The following METTL14 variants were observed in gnomAD, a reference collection of about 807,000 sequenced individuals.
METTL14 encodes the protein methyltransferase 14, N6-adenosine-methyltransferase non-catalytic subunit.
A neutral mutation model predicts 62.4 loss-of-function variants in METTL14; 32 were observed. The observed-to-expected ratio is 0.51, with a 90% confidence interval of 0.39 to 0.69. The LOEUF is 0.69. Among genes scored for constraint, METTL14 ranks in the 30% least tolerant of loss-of-function variants. The pLI, the probability that METTL14 is intolerant of heterozygous loss-of-function variation, is 0.00. For synonymous variants in METTL14, 150 were observed against 180.0 expected (o/e 0.83, Z 1.34); for missense variants, 340 against 551.9 (o/e 0.62, Z 3.85).
At position 118,697,213 on chromosome 4, in the gene METTL14, A is replaced by T; in HGVS notation, c.535A>T (p.Ile179Phe). The change falls in exon 7 of 11, where the codon ATC becomes TTC. Residue 179 changes from isoleucine (I) to phenylalanine (F), a missense_variant. This residue lies in a region of METTL14 where 41 missense variants were observed against 44.0 expected (regional missense o/e 0.93). Transcript: ENST00000388822. ...YLQADIEAFD[I>F]RELTPKFDVI... ...ACAAGCCGATATAGAAGCCTTTGAC[A>T]TCAGAGAACTAACACCCAAATTTGA... The T allele has an allele frequency of 6.2e-7, 1 of 1,611,470 alleles. No individual in the cohort carries two copies. Among genetic ancestry groups the T allele is most frequent in the Non-Finnish European group, 8.5e-7 (1 of 1,179,010 alleles).
In METTL14 at chr4:118,701,853, T is replaced by C. The variant is rs146547127; in HGVS notation, c.738+1211T>C. 2.0e-5 allele frequency among the ~76,000 whole-genome samples: 3 copies of C among 152,250 alleles called. No individual in the cohort carries two copies. In the East Asian group the frequency reaches 5.8e-4, roughly 29 times the overall value. ...AAATTCTGAAATTCTACAATTACTG[T>C]ATATTCTTTATATAAATAGTAAGGC... On this transcript the variant is annotated intron_variant, in intron 8 of 10. Coordinates refer to ENST00000388822, the MANE Select transcript of METTL14 (RefSeq NM_020961.4).
intron 10 of METTL14, among the ~76,000 whole-genome samples, chr4:118,706,177 T>G (rs1393926167): frequency 6.6e-6 from 1 of 152,224 alleles, no homozygotes; most frequent in Non-Finnish European, 1.5e-5. Flanking sequence ...GACAAATGTA[T>G]AATGACATCT....
chr4:118,698,084 A>G (rs764424454), intron 7 of METTL14, among the ~76,000 whole-genome samples: 9 of 152,076 alleles, frequency 5.9e-5, no homozygotes, highest in Non-Finnish European at 1.3e-4. Flanking sequence ...AGACGTTAAT[A>G]AGTCTGAAGA....
intron 10 of METTL14, among the ~76,000 whole-genome samples, chr4:118,708,357 G>A (rs941875663): frequency 2.0e-5 from 3 of 152,016 alleles, no homozygotes; most frequent in African/African-American, 4.8e-5. Flanking sequence ...TGTTTGTGGT[G>A]TTGTGTTCCA....
At chr4:118,686,055 G>C (rs298981) in intron 1 of METTL14, among the ~76,000 whole-genome samples, 2 of 152,102 alleles carry the variant, frequency 1.3e-5, no homozygotes, top group Non-Finnish European at 2.9e-5. Flanking sequence ...GAAGTAGCCT[G>C]AGTGTAAATT....
intron 9 of METTL14, among the ~76,000 whole-genome samples, chr4:118,705,167 G>A (rs1402043182): frequency 6.6e-6 from 1 of 152,130 alleles, no homozygotes; most frequent in Non-Finnish European, 1.5e-5. Context: ...TTTTCCTGTT[G>A]TTTTGTTGCC....
chr4:118,689,731 C>T (rs1007043788), intron 3 of METTL14, among the ~76,000 whole-genome samples: 3 of 151,878 alleles, frequency 2.0e-5, no homozygotes, highest in Admixed American at 2.0e-4. Context: ...CAACCTCCGC[C>T]TCCTGGATTC....
At chr4:118,686,766 T>C (rs558500575) in intron 1 of METTL14, 12 of 404,674 alleles carry the variant, frequency 3.0e-5, no homozygotes, top group African/African-American at 2.5e-4. Flanking sequence ...CAAACTTCTA[T>C]TTGACTCAAT....
chr4:118,707,403 C>T (rs1724786657), intron 10 of METTL14, among the ~76,000 whole-genome samples: 1 of 152,068 alleles, frequency 6.6e-6, no homozygotes, highest in East Asian at 1.9e-4. Flanking sequence ...GTGACTCAAG[C>T]CTGTAATCCC....
At chr4:118,686,998 G>T (rs1322421519) in intron 1 of METTL14, among the ~76,000 whole-genome samples, 6 of 152,192 alleles carry the variant, frequency 3.9e-5, no homozygotes, top group Admixed American at 1.3e-4. Flanking sequence ...TCTATAAATA[G>T]TAAGACTTAG....
In METTL14 at chr4:118,710,210, C is replaced by G; in HGVS notation, c.1279C>G (p.Arg427Gly). Residue 427 changes from arginine (R) to glycine (G), a missense_variant, in exon 11 of 11, where the codon CGA becomes GGA. By Grantham distance (125) the Arg-to-Gly change is moderately radical. This residue lies in a region of METTL14 where 44 missense variants were observed against 56.4 expected (regional missense o/e 0.78). Coordinates refer to ENST00000388822, the MANE Select transcript of METTL14 (RefSeq NM_020961.4). The part of the protein sequence containing the change: ...GRGGTSAGRG[R>G]ERNRSNFRGE... Reference sequence around the variant, plus strand: ...AGGTGGAACTTCTGCTGGCCGTGGACGAGAAAGAAATAGATCTAACTTCCG... The same window carrying G: ...AGGTGGAACTTCTGCTGGCCGTGGAGGAGAAAGAAATAGATCTAACTTCCG... 6.2e-7 allele frequency: 1 copy of G among 1,614,084 alleles called. No homozygotes were observed. The highest frequency in any genetic ancestry group is 8.5e-7 in the Non-Finnish European group (1 of 1,180,016).
intron 10 of METTL14, among the ~76,000 whole-genome samples, chr4:118,709,285 A>C (rs903315043): frequency 3.3e-5 from 5 of 152,208 alleles, no homozygotes; most frequent in African/African-American, 9.7e-5. Flanking sequence ...ATTGTAAAAG[A>C]TCTTAGATTT....
At chr4:118,702,866 T>A (rs933648220) in intron 8 of METTL14, among the ~76,000 whole-genome samples, 16 of 140,040 alleles carry the variant, frequency 1.1e-4, no homozygotes, top group Non-Finnish European at 2.0e-4. Context: ...ATACTCTATC[T>A]TTTTTTTTTT....
intron 8 of METTL14, 80 bp downstream of exon 8, chr4:118,700,722 A>G: frequency 1.1e-6 from 1 of 916,320 alleles, no homozygotes; most frequent in Non-Finnish European, 1.6e-6. Flanking sequence ...GATGTTTGAA[A>G]GTGGATGTTA....
chr4:118,693,981 AAAAG>A (rs1724326168), intron 5 of METTL14, among the ~76,000 whole-genome samples: 1 of 152,100 alleles, frequency 6.6e-6, no homozygotes, highest in Non-Finnish European at 1.5e-5. Flanking sequence ...GTTTGGGAAG[AAAAG>A]AAACACTCAT....
chr4:118,691,897 C>T (rs1324122425), intron 4 of METTL14, 84 bp from the exon 5 acceptor site: 2 of 852,286 alleles, frequency 2.3e-6, no homozygotes, highest in East Asian at 2.6e-5. Context: ...CATTTTATAT[C>T]ACCTTGTAAT....
At chr4:118,707,603 G>A (rs1038139039) in intron 10 of METTL14, among the ~76,000 whole-genome samples, 16 of 148,546 alleles carry the variant, frequency 1.1e-4, no homozygotes, top group Non-Finnish European at 1.8e-4. Context: ...GGCAGAGGTT[G>A]CAGTGAGCCG....
At chr4:118,703,119 C>T (rs563145082) in intron 8 of METTL14, among the ~76,000 whole-genome samples, 1 of 152,034 alleles carries the variant, frequency 6.6e-6, no homozygotes, top group Non-Finnish European at 1.5e-5. Context: ...TAGCCCCCAA[C>T]CTGCCTCTAC....
Position 118,705,831 on chromosome 4 carries a change from C to T in METTL14, c.1066+10C>T. ...AGTACAATTCGACCAGGTAGGACCT[C>T]AGTTAACAACAACTTTTATGATTCT... On this transcript the variant is annotated intron_variant, in intron 10 of 10. Coordinates refer to ENST00000388822, the MANE Select transcript of METTL14 (RefSeq NM_020961.4). The T allele has an allele frequency of 6.3e-7, 1 of 1,592,124 alleles. No individual in the cohort carries two copies. The highest frequency in any genetic ancestry group is 8.6e-7 in the Non-Finnish European group (1 of 1,161,898).
Sources: allele counts gnomAD v4.1 joint callset (sites outside exome capture counted in the v4.1 genomes callset), GRCh38; gene constraint gnomAD v4.1.1; regional missense constraint gnomAD v4.1.1; transcripts MANE v1.5; gene names NCBI Gene and HGNC (gene_info 2026-07-23, HGNC 2026-07-21).